The following DLD variants were observed in gnomAD, a reference collection of about 807,000 sequenced individuals.
DLD encodes dihydrolipoamide dehydrogenase, also known as dihydrolipoyl dehydrogenase, mitochondrial.
Under a neutral mutation model 62.2 loss-of-function variants are expected in DLD, and 36 were observed. That is an observed-to-expected ratio of 0.58 (90% CI 0.44 to 0.76). DLD has a LOEUF of 0.76. Ranked by LOEUF, DLD falls within the 30% of genes least tolerant of loss-of-function variation. The pLI, the probability that DLD is intolerant of heterozygous loss-of-function variation, is 0.00. For synonymous variants in DLD, 204 were observed against 199.6 expected, an observed-to-expected ratio of 1.02 and a Z score of -0.19; for missense variants, 541 against 608.6, an observed-to-expected ratio of 0.89 and a Z score of 1.17.
rs532921719 is a variant in DLD at position 107,898,350 on chromosome 7, A to T, written c.119-3388A>T. 6.9e-5 allele frequency among the ~76,000 whole-genome samples: 9 copies of T among 131,364 alleles called. No homozygotes were observed. The East Asian group carries it at 1.3e-3, about 19-fold the overall frequency. 86.2% of individuals were successfully genotyped at this position (131,364 alleles called of 152,430 possible). A position where few individuals can be genotyped will look rare whatever the true frequency, so the allele number is the denominator to read the frequency against. On this transcript the variant is annotated intron_variant, in intron 2 of 13. Transcript: ENST00000205402. ...TGGAGTAGTTCAGTGACACGATTTC[A>T]GTTCACTGCGACGTCCCCCTCCTGG...
intron 5 of DLD, among the ~76,000 whole-genome samples, chr7:107,904,118 CTT>C: frequency 6.6e-6 from 1 of 152,252 alleles, no homozygotes. Context: ...TAGTCATAAC[CTT>C]GGGTTGTTAC....
chr7:107,891,289 G>A lies in DLD; in HGVS notation c.39G>A (p.Lys13=). Residue 13 remains lysine, a splice_region_variant and synonymous_variant, in exon 1 of 14, where the codon AAG becomes AAA. Coordinates refer to ENST00000205402, the MANE Select transcript of DLD (RefSeq NM_000108.5). ...SWSRVYCSLA[K]RGHFNRISHG... ...GTCGTGTGTACTGCTCCTTGGCCAA[G>A]GTGAGGGCCGAGTAGGTGAGGTCGT... 4.3e-6 allele frequency: 7 copies of A among 1,614,140 alleles called. No individual in the cohort carries two copies. Among genetic ancestry groups the A allele is most frequent in the Non-Finnish European group, 5.9e-6 (7 of 1,179,962 alleles).
At chr7:107,892,722 A>G (rs753156182) in intron 1 of DLD, among the ~76,000 whole-genome samples, 1 of 151,894 alleles carries the variant, frequency 6.6e-6, no homozygotes, top group African/African-American at 2.4e-5. Context: ...ATTTTCTTGT[A>G]TTTTTAGTAG....
intron 2 of DLD, among the ~76,000 whole-genome samples, chr7:107,898,270 CTTTTTTTTTTTT>C (rs67913323): frequency 4.6e-4 from 30 of 65,570 alleles, no homozygotes; most frequent in South Asian, 6.9e-4. Context: ...TTTCTGTATC[CTTTTTTTTTTTT>C]TTTTTTTTTT....
chr7:107,905,406 G>C lies in DLD; in HGVS notation c.484G>C (p.Val162Leu), dbSNP rs565031860. 4.3e-6 allele frequency: 7 copies of C among 1,613,786 alleles called. No homozygotes were observed. The Admixed American group carries it at 6.7e-5, about 15-fold the overall frequency. ...TGGAAAGATAACTGGCAAAAATCAA[G>C]TCACTGCTACGAAAGCTGATGGCGG... ...GYGKITGKNQ[V>L]TATKADGGTQ... is the part of the protein sequence containing the mutation. The change falls in exon 7 of 14, where the codon GTC becomes CTC. Residue 162 changes from valine to leucine, a missense_variant. By Grantham distance (32) the Val-to-Leu change is conservative. Transcript: ENST00000205402.
chr7:107,899,141 C>T (rs2031812040), intron 2 of DLD, among the ~76,000 whole-genome samples: 1 of 151,960 alleles, frequency 6.6e-6, no homozygotes, highest in Admixed American at 6.6e-5. Context: ...TTCGTTTATC[C>T]ATCAGTGCAG....
chr7:107,896,146 G>A (rs758203632), intron 2 of DLD, among the ~76,000 whole-genome samples: 5 of 152,228 alleles, frequency 3.3e-5, no homozygotes, highest in Admixed American at 6.5e-5. Flanking sequence ...CTGTACTTAG[G>A]AACATGGGCT....
intron 2 of DLD, among the ~76,000 whole-genome samples, chr7:107,900,666 C>G (rs1267750737): frequency 6.6e-6 from 1 of 152,178 alleles, no homozygotes; most frequent in East Asian, 1.9e-4. Flanking sequence ...TAGTTTGTCT[C>G]TGCAACTCAC....
intron 8 of DLD, among the ~76,000 whole-genome samples, chr7:107,907,973 C>A (rs934809843): frequency 6.6e-6 from 1 of 152,192 alleles, no homozygotes; most frequent in African/African-American, 2.4e-5. Flanking sequence ...GGACTAATTT[C>A]TTCACTGCTT....
chr7:107,905,214 AT>A, intron 6 of DLD, 146 bp from the exon 7 acceptor site: 3 of 1,045,456 alleles, frequency 2.9e-6, no homozygotes, highest in Non-Finnish European at 4.3e-6. Context: ...TATATCACAG[AT>A]TTTTTTGCTG....
In DLD at chr7:107,901,826, T is replaced by C. The variant is rs2031883723; in HGVS notation, c.198+9T>C. 1 of 1,609,552 alleles carries C rather than the reference T, an allele frequency of 6.2e-7. No individual in the cohort carries two copies. ...CCCAGTTAGGCTTCAAGGTAAGGTT[T>C]GAACTCAAACTAAGTATTGATTTAT... is the stretch of plus-strand genomic sequence containing the variant. On this transcript the variant is annotated intron_variant, in intron 3 of 13. Coordinates refer to ENST00000205402, the MANE Select transcript of DLD (RefSeq NM_000108.5).
At chr7:107,906,972 G>T (rs1193982526) in intron 8 of DLD, among the ~76,000 whole-genome samples, 1 of 152,130 alleles carries the variant, frequency 6.6e-6, no homozygotes, top group Non-Finnish European at 1.5e-5. Context: ...ATTTTATTAT[G>T]TAACCATGAC....
intron 12 of DLD, 80 bp from the exon 13 acceptor site, chr7:107,918,930 G>C: frequency 8.6e-7 from 1 of 1,166,800 alleles, no homozygotes; most frequent in Non-Finnish European, 1.3e-6. Flanking sequence ...AGATCTAAAA[G>C]CTTCCCCTCA....
chr7:107,901,735 T>G lies in DLD; in HGVS notation c.119-3T>G, dbSNP rs2031881248. 6.2e-7 allele frequency: 1 copy of G among 1,612,590 alleles called. No homozygotes were observed. ...ATTTTATATCAATTTGCTTTTATCG[T>G]AGTTGATGCTGATGTAACAGTTATA... On this transcript the variant is annotated splice_polypyrimidine_tract_variant and splice_region_variant and intron_variant, in intron 2 of 13. Transcript: ENST00000205402.
intron 8 of DLD, among the ~76,000 whole-genome samples, chr7:107,912,458 G>T (rs761308868): frequency 1.3e-5 from 2 of 151,948 alleles, no homozygotes; most frequent in African/African-American, 4.8e-5. Flanking sequence ...AGTGTATGAG[G>T]GTTCTCCTTT....
At chr7:107,897,574 CT>C (rs35546358) in intron 2 of DLD, among the ~76,000 whole-genome samples, 31,838 of 111,226 alleles carry the variant, frequency 0.29, 2,382 homozygotes, top group Non-Finnish European at 0.33. Context: ...TGTAGACTGA[CT>C]TTTTTTTTTT....
chr7:107,908,416 C>G (rs2032060725), intron 8 of DLD, among the ~76,000 whole-genome samples: 1 of 151,804 alleles, frequency 6.6e-6, no homozygotes. Context: ...GTCTATAATC[C>G]CAGCACTTTG....
Position 107,917,449 on chromosome 7 carries a change from A to G in DLD, c.1223A>G (p.Gln408Arg). The change falls in exon 11 of 14, where the codon CAG becomes CGG. Residue 408 changes from glutamine to arginine, a missense_variant. Transcript: ENST00000205402. ...GCTTGGGTTGGCAAATCAGAAGAGC[A>G]GTTGAAAGAAGAGGTAAGTCTGAAC... ...EVAWVGKSEE[Q>R]LKEEGIEYKV... 2 of 1,614,120 alleles carry G rather than the reference A, an allele frequency of 1.2e-6. No homozygotes were observed. Among genetic ancestry groups the G allele is most frequent in the Non-Finnish European group, 1.7e-6 (2 of 1,179,974 alleles).
In DLD at chr7:107,891,205, C is replaced by T. The variant is rs1460258061; in HGVS notation, c.-46C>T. On this transcript the variant is annotated 5_prime_UTR_variant, in exon 1 of 14. Coordinates refer to ENST00000205402, the MANE Select transcript of DLD (RefSeq NM_000108.5). The stretch of plus-strand genomic sequence containing the variant: ...GACCTTGGCGGAGCGGCGGAGGCGC[C>T]CAGCGGAGGTGAAAGTATTGGCGGA... 3.7e-6 allele frequency: 6 copies of T among 1,612,284 alleles called. No homozygotes were observed. The highest frequency in any genetic ancestry group is 3.4e-6 in the Non-Finnish European group (4 of 1,178,586).
Sources: gnomAD v4.1 joint callset for allele counts (sites outside exome capture counted in the v4.1 genomes callset) on GRCh38, gnomAD v4.1.1 for gene constraint, MANE v1.5 for transcripts, NCBI Gene and HGNC (gene_info 2026-07-23, HGNC 2026-07-21) for gene names.